TBC1D4: variants seen among roughly 807,000 people sequenced by gnomAD.
TBC1D4 encodes the protein TBC (Tre-2, BUB2, CDC16) domain-containing protein.
A neutral mutation model predicts 142.5 loss-of-function variants in TBC1D4; 121 were observed. The observed-to-expected ratio is 0.85, with a 90% CI of 0.73 to 0.99. TBC1D4 has a LOEUF of 0.99. Ranked by LOEUF, TBC1D4 falls within the 50% of genes least tolerant of loss-of-function variation. The probability of loss-of-function intolerance (pLI) is 0.00; values close to 1 mark genes in which losing one functional copy is unlikely to be tolerated. For synonymous variants in TBC1D4, 630 were observed against 628.2 expected (o/e 1.00, Z -0.04); for missense variants, 1,475 against 1,606.6 (o/e 0.92, Z 1.40).
intron 1 of TBC1D4, among the ~76,000 whole-genome samples, chr13:75,450,222 A>G (rs1205124247): frequency 6.6e-6 from 1 of 152,272 alleles, no homozygotes; most frequent in Admixed American, 6.5e-5. Context: ...CATAGTTGCC[A>G]TTCATTTCTT....
At position 75,351,368 on chromosome 13, in the gene TBC1D4, C is replaced by T. The variant is rs542367531; in HGVS notation, c.1276-2066G>A. ...TATCCAATAAAGAATGGCATCAATC[C>T]TATTTTTTTGGGGGGGTATATATAT... On this transcript the variant is annotated intron_variant, in intron 4 of 20. Coordinates refer to ENST00000377636, the MANE Select transcript of TBC1D4 (RefSeq NM_014832.5). Among the ~76,000 whole-genome samples the T allele has an allele frequency of 1.2e-4, 18 of 151,786 alleles. No individual in the cohort carries two copies. In the East Asian group the frequency reaches 1.6e-3, roughly 13 times the overall value.
intron 17 of TBC1D4, among the ~76,000 whole-genome samples, chr13:75,297,712 G>A (rs985508480): frequency 6.6e-6 from 1 of 150,376 alleles, no homozygotes; most frequent in Non-Finnish European, 1.5e-5. Flanking sequence ...AGCCAAGATC[G>A]CGCCACTGCA....
Position 75,336,954 on chromosome 13 carries a change from G to A in TBC1D4, c.1698C>T (p.Ser566=), listed in dbSNP as rs1366665852. Residue 566 remains serine, a synonymous_variant, in exon 8 of 21, where the codon TCC becomes TCT. Coordinates refer to ENST00000377636, the MANE Select transcript of TBC1D4 (RefSeq NM_014832.5). ...LDILKNKAKR[S]LTSSLENIFS... is the part of the protein sequence containing the mutation. ...AGATATTTTCCAGGGAGCTAGTTAA[G>A]GATCTCTTAGCTTTATTTTTCAGAA... 6.2e-7 allele frequency: 1 copy of A among 1,613,426 alleles called. No individual in the cohort carries two copies. The highest frequency in any genetic ancestry group is 8.5e-7 in the Non-Finnish European group (1 of 1,179,812).
Position 75,362,964 on chromosome 13 carries a change from C to A in TBC1D4, c.499-357G>T, listed in dbSNP as rs1882657307. Reference sequence around the variant, plus strand: ...GCCTCAGCTGAAAGGAACCAAAGTTCCAACCATGAGGACAAAATAACCTTT... The same window carrying A: ...GCCTCAGCTGAAAGGAACCAAAGTTACAACCATGAGGACAAAATAACCTTT... On this transcript the variant is annotated intron_variant, in intron 1 of 20. Transcript: ENST00000377636. The surrounding 1 kb of genome is among the most constrained non-coding windows in gnomAD (Gnocchi z 4.2). 6.6e-6 allele frequency among the ~76,000 whole-genome samples: 1 copy of A among 152,134 alleles called. No individual in the cohort carries two copies.
chr13:75,288,795 G>C, intron 20 of TBC1D4, 139 bp downstream of exon 20: 1 of 875,666 alleles, frequency 1.1e-6, no homozygotes, highest in Non-Finnish European at 1.8e-6. Flanking sequence ...TGTAGCCCCA[G>C]AGCACTTGGA....
intron 1 of TBC1D4, among the ~76,000 whole-genome samples, chr13:75,410,146 T>C (rs1885568562): frequency 1.3e-5 from 2 of 152,308 alleles, no homozygotes; most frequent in East Asian, 1.9e-4. Context: ...CTCATGATAA[T>C]CACTCAATAA....
At chr13:75,474,414 C>G (rs1039123780) in intron 1 of TBC1D4, among the ~76,000 whole-genome samples, 1 of 152,062 alleles carries the variant, frequency 6.6e-6, no homozygotes, top group Admixed American at 6.6e-5. Flanking sequence ...AAAAAATTAG[C>G]CAGGCGTGGT....
chr13:75,374,480 G>C (rs1299798924), intron 1 of TBC1D4, among the ~76,000 whole-genome samples: 1 of 152,050 alleles, frequency 6.6e-6, no homozygotes, highest in East Asian at 1.9e-4. Context: ...GTATTTTTCA[G>C]GGCATAATAG....
chr13:75,356,407 C>T (rs1460301951), intron 3 of TBC1D4, among the ~76,000 whole-genome samples, 156 bp from the exon 4 acceptor site: 2 of 152,210 alleles, frequency 1.3e-5, no homozygotes, highest in African/African-American at 4.8e-5. Flanking sequence ...CAAACTCATG[C>T]AGTGGCCTGT....
chr13:75,397,333 G>A (rs1033659801), intron 1 of TBC1D4, among the ~76,000 whole-genome samples: 2 of 152,200 alleles, frequency 1.3e-5, no homozygotes, highest in South Asian at 2.1e-4. Flanking sequence ...AACACATCAC[G>A]ATGTGATGAT....
chr13:75,305,639 T>A (rs1473876295), intron 15 of TBC1D4, among the ~76,000 whole-genome samples: 1 of 152,248 alleles, frequency 6.6e-6, no homozygotes, highest in African/African-American at 2.4e-5. Flanking sequence ...TTATAGAATT[T>A]CTTTGGGTAT....
chr13:75,433,081 T>C (rs538319942), intron 1 of TBC1D4, among the ~76,000 whole-genome samples: 2 of 152,172 alleles, frequency 1.3e-5, no homozygotes, highest in Non-Finnish European at 2.9e-5. Context: ...CTTACACTTA[T>C]TGCCTCAACT....
At chr13:75,466,166 C>T (rs115470718) in intron 1 of TBC1D4, among the ~76,000 whole-genome samples, 1,760 of 152,334 alleles carry the variant, frequency 0.012, 32 homozygotes, top group African/African-American at 0.04. Flanking sequence ...TTTTCATCAA[C>T]ACCTATTCCA....
intron 4 of TBC1D4, among the ~76,000 whole-genome samples, chr13:75,353,341 T>C (rs1406588095): frequency 6.6e-6 from 1 of 152,338 alleles, no homozygotes; most frequent in South Asian, 2.1e-4. Context: ...TCTCCAGTGA[T>C]CACAGATGAA....
chr13:75,326,242 C>G lies in TBC1D4; in HGVS notation c.1988G>C (p.Gly663Ala), dbSNP rs1190435476. 6.2e-7 allele frequency: 1 copy of G among 1,614,128 alleles called. No individual in the cohort carries two copies. The highest frequency in any genetic ancestry group is 8.5e-7 in the Non-Finnish European group (1 of 1,180,026). Reference protein sequence around the residue: ...KLNLQDGRAQGVRSPLLRQSS... With the variant: ...KLNLQDGRAQAVRSPLLRQSS... ...CTGCCTCAGCAGAGGGGAACGCACACCCTGAGCCCTCCCATCCTGCAAATT... is the reference window on the plus strand; with the variant it reads ...CTGCCTCAGCAGAGGGGAACGCACAGCCTGAGCCCTCCCATCCTGCAAATT... The change falls in exon 10 of 21, where the codon GGT (glycine) becomes GCT (alanine). Residue 663 changes from glycine (G) to alanine (A), a missense_variant. Coordinates refer to ENST00000377636, the MANE Select transcript of TBC1D4 (RefSeq NM_014832.5).
chr13:75,405,101 G>A (rs1885270284), intron 1 of TBC1D4, among the ~76,000 whole-genome samples: 1 of 152,106 alleles, frequency 6.6e-6, no homozygotes. Context: ...CACAAAAAGG[G>A]AGAATACAGC....
chr13:75,327,948 T>G (rs913957529), intron 8 of TBC1D4, 122 bp from the exon 9 acceptor site: 43 of 981,942 alleles, frequency 4.4e-5, no homozygotes, highest in Non-Finnish European at 6.2e-5. Flanking sequence ...GTGGTTCACT[T>G]AAATTTGTTG....
chr13:75,467,795 G>A (rs765144269), intron 1 of TBC1D4, among the ~76,000 whole-genome samples: 6 of 151,948 alleles, frequency 3.9e-5, no homozygotes, highest in South Asian at 2.1e-4. Context: ...AAGTATAATC[G>A]ACCTACCAAA....
chr13:75,458,404 G>A (rs569542060), intron 1 of TBC1D4, among the ~76,000 whole-genome samples: 5 of 152,196 alleles, frequency 3.3e-5, no homozygotes, highest in East Asian at 1.9e-4. Flanking sequence ...CTCGTGACTC[G>A]CGGAGCTTAG....
Sources: allele counts gnomAD v4.1 joint callset (sites outside exome capture counted in the v4.1 genomes callset), GRCh38; gene constraint gnomAD v4.1.1; non-coding constraint Gnocchi (gnomAD v3.1); transcripts MANE v1.5; gene names NCBI Gene and HGNC (gene_info 2026-07-23, HGNC 2026-07-21).